VRK2: variants seen among roughly 807,000 people sequenced by gnomAD.
The protein encoded by VRK2 is VRK serine/threonine kinase 2.
Under a neutral mutation model 57.6 loss-of-function variants are expected in VRK2, and 60 were observed. The ratio of observed to expected loss-of-function variants is 1.04; its 90% CI spans 0.85 to 1.29. VRK2 has a LOEUF of 1.29. Ranked by LOEUF, VRK2 falls within the 50% of genes most tolerant of loss-of-function variation. The probability of loss-of-function intolerance (pLI) is 0.00; values close to 1 mark genes in which losing one functional copy is unlikely to be tolerated. For missense variants in VRK2, 705 were observed against 588.1 expected, an observed-to-expected ratio of 1.20 and a Z score of -2.06; for synonymous variants, 231 against 199.2, an observed-to-expected ratio of 1.16 and a Z score of -1.35.
At chr2:58,072,428 G>C (rs1669481197) in intron 2 of VRK2, among the ~76,000 whole-genome samples, 1 of 151,810 alleles carries the variant, frequency 6.6e-6, no homozygotes, top group South Asian at 2.1e-4. Context: ...TTTTTATCGA[G>C]TTGAGAAAGT....
intron 11 of VRK2, among the ~76,000 whole-genome samples, chr2:58,144,316 G>GCTTTC (rs1681794131): frequency 6.6e-6 from 1 of 151,964 alleles, no homozygotes; most frequent in Non-Finnish European, 1.5e-5. Context: ...CTGGGGATCT[G>GCTTTC]ATGTACAGCA....
chr2:58,074,864 G>A (rs567578102), intron 2 of VRK2, among the ~76,000 whole-genome samples: 73 of 152,088 alleles, frequency 4.8e-4, no homozygotes, highest in Middle Eastern at 3.4e-3. Flanking sequence ...ATAATCTTAC[G>A]ACTAAATCTG....
chr2:58,065,833 T>G (rs1668531001), intron 2 of VRK2, among the ~76,000 whole-genome samples: 1 of 152,152 alleles, frequency 6.6e-6, no homozygotes, highest in Admixed American at 6.5e-5. Flanking sequence ...TATTGTTGGG[T>G]ATATATTGAT....
chr2:57,968,661 G>A lies in VRK2; in HGVS notation c.-438-57004G>A, dbSNP rs75971076. On this transcript the variant is annotated intron_variant, in intron 1 of 15. Transcript: ENST00000417641. ...TACCATTTCGTACTTTTTCACACAC[G>A]GAAAAATAAAAATTTGCTCCATGTT... Among the ~76,000 whole-genome samples, 1,086 of 151,804 alleles carry A rather than the reference G, an allele frequency of 7.2e-3. 19 individuals carry two copies. Among genetic ancestry groups the A allele is most frequent in the African/African-American group, 0.025 (1,022 of 41,440 alleles).
chr2:57,959,435 G>C (rs753008546), intron 1 of VRK2, among the ~76,000 whole-genome samples: 2 of 151,734 alleles, frequency 1.3e-5, no homozygotes, highest in African/African-American at 2.4e-5. Flanking sequence ...CAAAACATTT[G>C]TTCTGCTCCA....
chr2:58,151,283 G>A (rs944795459), intron 12 of VRK2, among the ~76,000 whole-genome samples: 3 of 151,698 alleles, frequency 2.0e-5, no homozygotes, highest in Admixed American at 2.0e-4. Context: ...TATGCAGATA[G>A]TAGTTATATG....
intron 1 of VRK2, among the ~76,000 whole-genome samples, chr2:58,020,097 G>A (rs551598962): frequency 1.3e-5 from 2 of 152,322 alleles, no homozygotes; most frequent in South Asian, 4.2e-4. Flanking sequence ...CTAATTAAGT[G>A]ACAATTAACA....
intron 1 of VRK2, chr2:58,017,886 A>G (rs1054097340): frequency 7.2e-5 from 11 of 152,228 alleles, no homozygotes; most frequent in Non-Finnish European, 1.5e-4. Context: ...TCTTAAGCTG[A>G]TACTTGATAA....
chr2:57,915,992 G>A (rs1670135215), intron 1 of VRK2, among the ~76,000 whole-genome samples: 1 of 152,120 alleles, frequency 6.6e-6, no homozygotes, highest in Non-Finnish European at 1.5e-5. Flanking sequence ...CACTCCCCAT[G>A]CCAGTTTCGT....
intron 1 of VRK2, among the ~76,000 whole-genome samples, chr2:58,002,008 G>T (rs1410284146): frequency 6.6e-6 from 1 of 151,986 alleles, no homozygotes; most frequent in East Asian, 1.9e-4. Context: ...AAATTACAAA[G>T]AATCTAAATA....
At chr2:57,972,738 T>C (rs992047264) in intron 1 of VRK2, among the ~76,000 whole-genome samples, 3 of 151,904 alleles carry the variant, frequency 2.0e-5, no homozygotes, top group Middle Eastern at 3.2e-3. Flanking sequence ...TTATCTTAAA[T>C]ATTTATGTTC....
chr2:58,116,907 C>T (rs956514270), intron 7 of VRK2, among the ~76,000 whole-genome samples: 11 of 152,100 alleles, frequency 7.2e-5, no homozygotes, highest in East Asian at 1.9e-4. Context: ...TCTGGAGGAA[C>T]GCCTGGCTGC....
chr2:57,955,197 A>C (rs997055668), intron 1 of VRK2, among the ~76,000 whole-genome samples: 1 of 152,302 alleles, frequency 6.6e-6, no homozygotes, highest in African/African-American at 2.4e-5. Context: ...AGATTAATTT[A>C]ATACCATCAT....
chr2:57,969,595 T>A (rs185238531), intron 1 of VRK2, among the ~76,000 whole-genome samples: 1 of 152,124 alleles, frequency 6.6e-6, no homozygotes, highest in East Asian at 1.9e-4. Flanking sequence ...AAAAATTAAA[T>A]GAATTAAACT....
intron 1 of VRK2, among the ~76,000 whole-genome samples, chr2:57,940,908 A>T (rs1002845969): frequency 1.3e-5 from 2 of 152,094 alleles, no homozygotes; most frequent in African/African-American, 4.8e-5. Context: ...GACCCAAATA[A>T]AAATTACCAC....
intron 2 of VRK2, among the ~76,000 whole-genome samples, chr2:58,049,755 A>C (rs959255957): frequency 1.3e-5 from 2 of 152,218 alleles, no homozygotes; most frequent in African/African-American, 4.8e-5. Flanking sequence ...TTTCTATAGG[A>C]GATTAAGGAG....
chr2:58,044,706 C>T (rs1032513202), upstream of VRK2, among the ~76,000 whole-genome samples: 1 of 152,218 alleles, frequency 6.6e-6, no homozygotes, highest in East Asian at 1.9e-4. Flanking sequence ...GCAGTCTATA[C>T]GGATACCAGG....
At chr2:58,129,041 C>T (rs950125233) in intron 8 of VRK2, among the ~76,000 whole-genome samples, 4 of 152,024 alleles carry the variant, frequency 2.6e-5, no homozygotes, top group African/African-American at 7.2e-5. Context: ...AGGCTTTCAA[C>T]AAAAAGAGTG....
intron 7 of VRK2, among the ~76,000 whole-genome samples, chr2:58,119,578 T>G (rs943500397): frequency 1.1e-4 from 17 of 151,678 alleles, no homozygotes. Flanking sequence ...ACATTTTGAT[T>G]ACTCGGGACA....
Sources: allele counts gnomAD v4.1 joint callset (sites outside exome capture counted in the v4.1 genomes callset), GRCh38; gene constraint gnomAD v4.1.1; transcripts MANE v1.5; gene names NCBI Gene and HGNC (gene_info 2026-07-23, HGNC 2026-07-21).